The following REEP3 variants were observed in gnomAD, a reference collection of about 807,000 sequenced individuals.
REEP3 encodes the protein receptor accessory protein 3, also known as receptor expression-enhancing protein 3.
A neutral mutation model predicts 41.3 loss-of-function variants in REEP3; 20 were observed. The ratio of observed to expected loss-of-function variants is 0.48; its 90% CI spans 0.34 to 0.70. REEP3 has a LOEUF of 0.70. Among genes scored for constraint, REEP3 ranks in the 30% least tolerant of loss-of-function variants. The pLI is 0.01. For missense variants in REEP3, 271 were observed against 308.8 expected (o/e 0.88, Z 0.92); for synonymous variants, 104 against 101.8 (o/e 1.02, Z -0.13).
chr10:63,565,281 A>G (rs796178529), intron 1 of REEP3, among the ~76,000 whole-genome samples: 2 of 152,202 alleles, frequency 1.3e-5, no homozygotes, highest in South Asian at 4.1e-4. Flanking sequence ...CAATCAATAA[A>G]TAAAAATACT....
chr10:63,598,399 G>A (rs1365272458), intron 4 of REEP3, among the ~76,000 whole-genome samples: 2 of 146,040 alleles, frequency 1.4e-5, no homozygotes. Flanking sequence ...CAGGAGAATC[G>A]CTTGAACCCA....
chr10:63,532,969 G>A (rs1280978249), intron 1 of REEP3, among the ~76,000 whole-genome samples: 1 of 152,210 alleles, frequency 6.6e-6, no homozygotes, highest in Non-Finnish European at 1.5e-5. Flanking sequence ...ACATGGGGAA[G>A]GGGGACAGAT....
intron 1 of REEP3, among the ~76,000 whole-genome samples, chr10:63,545,428 G>A (rs1207067198): frequency 6.6e-6 from 1 of 152,022 alleles, no homozygotes; most frequent in African/African-American, 2.4e-5. Flanking sequence ...AGGCTGGAGT[G>A]CAGTGGTGCG....
chr10:63,611,085 G>A (rs1956274182), intron 6 of REEP3, among the ~76,000 whole-genome samples: 1 of 151,946 alleles, frequency 6.6e-6, no homozygotes, highest in Non-Finnish European at 1.5e-5. Context: ...AAAAAAAAAA[G>A]ATTAGTACTT....
intron 1 of REEP3, among the ~76,000 whole-genome samples, chr10:63,541,776 C>G (rs1430045630): frequency 6.6e-6 from 1 of 152,154 alleles, no homozygotes; most frequent in Non-Finnish European, 1.5e-5. Flanking sequence ...GATATCTCAA[C>G]AAAGGATAGG....
At chr10:63,618,196 A>G (rs2133437292) in intron 6 of REEP3, among the ~76,000 whole-genome samples, 1 of 147,368 alleles carries the variant, frequency 6.8e-6, no homozygotes, top group African/African-American at 2.5e-5. Flanking sequence ...TATTTTTATT[A>G]AAGGAGAATT....
intron 5 of REEP3, 149 bp downstream of exon 5, chr10:63,599,432 T>C (rs1363105726): frequency 2.3e-6 from 1 of 443,424 alleles, no homozygotes; most frequent in East Asian, 4.1e-5. Flanking sequence ...TAAAGATATT[T>C]TAATTTTGTG....
chr10:63,612,377 A>C (rs1731639096), intron 6 of REEP3, among the ~76,000 whole-genome samples: 1 of 150,910 alleles, frequency 6.6e-6, no homozygotes, highest in Non-Finnish European at 1.5e-5. Flanking sequence ...TCACCATGTT[A>C]CCCAGACTGG....
intron 1 of REEP3, among the ~76,000 whole-genome samples, chr10:63,532,443 A>T (rs2133341640): frequency 6.6e-6 from 1 of 152,196 alleles, no homozygotes; most frequent in East Asian, 1.9e-4. Flanking sequence ...TGGGTGGATC[A>T]TGAGGCCAGG....
At chr10:63,589,243 T>C (rs983990391) in intron 2 of REEP3, among the ~76,000 whole-genome samples, 1 of 152,202 alleles carries the variant, frequency 6.6e-6, no homozygotes, top group Non-Finnish European at 1.5e-5. Context: ...TCATTTGAGC[T>C]GACGAGGTAA....
At chr10:63,592,323 C>T (rs1956071644) in intron 2 of REEP3, among the ~76,000 whole-genome samples, 1 of 152,196 alleles carries the variant, frequency 6.6e-6, no homozygotes, top group Admixed American at 6.5e-5. Flanking sequence ...TACTTATTTT[C>T]AAACCCTTCT....
At chr10:63,589,080 G>T (rs1228657157) in intron 2 of REEP3, among the ~76,000 whole-genome samples, 4 of 152,150 alleles carry the variant, frequency 2.6e-5, no homozygotes, top group Non-Finnish European at 5.9e-5. Context: ...AGTAAGCAAT[G>T]ATTGGGAACC....
rs537397959 is a variant in REEP3 at position 63,550,280 on chromosome 10, G to A, written c.33-16058G>A. On this transcript the variant is annotated intron_variant, in intron 1 of 7. Coordinates refer to ENST00000373758, the MANE Select transcript of REEP3 (RefSeq NM_001001330.3). ...TGATAGAAGTGAAGAATCTCATGTT[G>A]GATGTAAATCTGATGGTACTAGATT... Among the ~76,000 whole-genome samples the A allele has an allele frequency of 3.3e-5, 5 of 152,274 alleles. No individual in the cohort carries two copies. The East Asian group carries it at 9.6e-4, about 29-fold the overall frequency.
chr10:63,559,996 T>A (rs1229979233), intron 1 of REEP3, among the ~76,000 whole-genome samples: 2 of 152,146 alleles, frequency 1.3e-5, no homozygotes, highest in Non-Finnish European at 2.9e-5. Flanking sequence ...AATCTCTATA[T>A]GCTCTAAGGT....
At chr10:63,609,632 A>G (rs1956261362) in intron 5 of REEP3, among the ~76,000 whole-genome samples, 1 of 151,504 alleles carries the variant, frequency 6.6e-6, no homozygotes, top group South Asian at 2.1e-4. Flanking sequence ...ATGGTGGCAC[A>G]TGCCTGTAAT....
chr10:63,598,979 G>A (rs1308273390), intron 4 of REEP3, among the ~76,000 whole-genome samples, 191 bp from the exon 5 acceptor site: 2 of 151,976 alleles, frequency 1.3e-5, no homozygotes, highest in Non-Finnish European at 2.9e-5. Flanking sequence ...ATTGTCCCAT[G>A]CCACTGCATT....
At chr10:63,596,198 A>C (rs1316716568) in intron 3 of REEP3, among the ~76,000 whole-genome samples, 2 of 152,146 alleles carry the variant, frequency 1.3e-5, no homozygotes, top group African/African-American at 4.8e-5. Context: ...TCTGATTTGA[A>C]ATACTGTAAA....
intron 1 of REEP3, among the ~76,000 whole-genome samples, chr10:63,545,837 G>C (rs558963582): frequency 6.6e-6 from 1 of 151,956 alleles, no homozygotes; most frequent in East Asian, 1.9e-4. Context: ...TCTTCTTTAT[G>C]GTGTTACATT....
intron 1 of REEP3, among the ~76,000 whole-genome samples, chr10:63,525,204 T>G (rs1362927840): frequency 6.6e-6 from 1 of 152,210 alleles, no homozygotes; most frequent in African/African-American, 2.4e-5. Flanking sequence ...CAGAACTGGC[T>G]TTGGTTACCT....
Sources: allele counts gnomAD v4.1 joint callset (sites outside exome capture counted in the v4.1 genomes callset), GRCh38; gene constraint gnomAD v4.1.1; transcripts MANE v1.5; gene names NCBI Gene and HGNC (gene_info 2026-07-23, HGNC 2026-07-21).